NRG1: variants seen among roughly 807,000 people sequenced by gnomAD.
The protein encoded by NRG1 is pro-neuregulin-1, membrane-bound isoform.
A neutral mutation model predicts 63.8 loss-of-function variants in NRG1; 18 were observed. The ratio of observed to expected loss-of-function variants is 0.28; its 90% CI spans 0.19 to 0.42. The LOEUF (loss-of-function observed/expected upper bound fraction) is 0.42, where lower values mean the gene tolerates loss of function less well. Ranked by LOEUF, NRG1 falls within the 10% of genes least tolerant of loss-of-function variation. NRG1 has a pLI of 1.00. For synonymous variants in NRG1, 302 were observed against 301.3 expected, an observed-to-expected ratio of 1.00 and a Z score of -0.02; for missense variants, 762 against 814.7, an observed-to-expected ratio of 0.94 and a Z score of 0.79.
chr8:32,196,977 T>A (rs1248802491), intron 1 of NRG1, among the ~76,000 whole-genome samples: 6 of 130,086 alleles, frequency 4.6e-5, no homozygotes, highest in African/African-American at 1.9e-4. Context: ...TTTTTTTTTT[T>A]AAGATAGAGT....
At chr8:32,246,298 C>T (rs939311239) in intron 1 of NRG1, among the ~76,000 whole-genome samples, 3 of 152,108 alleles carry the variant, frequency 2.0e-5, no homozygotes, top group Non-Finnish European at 4.4e-5. Context: ...CAGCAATATT[C>T]CAAACAAAAG....
At chr8:32,121,164 G>C (rs1386412329) in intron 1 of NRG1, among the ~76,000 whole-genome samples, 2 of 152,068 alleles carry the variant, frequency 1.3e-5, no homozygotes, top group African/African-American at 4.8e-5. Flanking sequence ...CAGTAGAAAG[G>C]AAAAGTGATT....
At position 31,739,298 on chromosome 8, in the gene NRG1, C is replaced by G. The variant is rs117273783; in HGVS notation, c.37+99867C>G. 3.8e-3 allele frequency among the ~76,000 whole-genome samples: 581 copies of G among 152,150 alleles called. 1 individual carries two copies. The highest frequency in any genetic ancestry group is 0.018 in the South Asian group (86 of 4,822). ...GCTTGGTACATTCATGGAATGTTAT[C>G]TCACACTGGGGTTGGTAATGCAATA... On this transcript the variant is annotated intron_variant, in intron 1 of 10. Transcript: ENST00000519301.
intron 1 of NRG1, among the ~76,000 whole-genome samples, chr8:31,928,461 C>G (rs1045542904): frequency 6.7e-6 from 1 of 149,302 alleles, no homozygotes; most frequent in Non-Finnish European, 1.5e-5. Flanking sequence ...GAACTAAAGA[C>G]AGATCAACCA....
chr8:32,759,232 T>C, intron 9 of NRG1, 74 bp from the exon 10 acceptor site: 1 of 1,489,822 alleles, frequency 6.7e-7, no homozygotes, highest in Non-Finnish European at 9.1e-7. Context: ...CGTTTTTATT[T>C]ACATGACAAT....
intron 1 of NRG1, among the ~76,000 whole-genome samples, chr8:31,692,810 A>G (rs1157780333): frequency 6.6e-6 from 1 of 152,144 alleles, no homozygotes; most frequent in Non-Finnish European, 1.5e-5. Context: ...CTTGCTCAGG[A>G]CCAAAAAGAG....
chr8:31,737,093 C>A (rs2131380202), intron 1 of NRG1, among the ~76,000 whole-genome samples: 1 of 152,222 alleles, frequency 6.6e-6, no homozygotes, highest in African/African-American at 2.4e-5. Flanking sequence ...GGAAAGATAT[C>A]AAACTTATTA....
At chr8:32,316,265 C>T (rs1857376811) in intron 1 of NRG1, among the ~76,000 whole-genome samples, 1 of 152,200 alleles carries the variant, frequency 6.6e-6, no homozygotes, top group African/African-American at 2.4e-5. Context: ...ATCAGGAAGT[C>T]CAGAGATCAA....
At chr8:32,051,877 G>A (rs1367009947) in intron 1 of NRG1, among the ~76,000 whole-genome samples, 1 of 152,166 alleles carries the variant, frequency 6.6e-6, no homozygotes, top group African/African-American at 2.4e-5. Context: ...TTAAGTTAAA[G>A]AGAGAGAAGT....
At chr8:32,678,044 G>T (rs1807638940) in intron 5 of NRG1, among the ~76,000 whole-genome samples, 1 of 152,056 alleles carries the variant, frequency 6.6e-6, no homozygotes, top group Non-Finnish European at 1.5e-5. Context: ...TTCTACAATG[G>T]TTTTTGATCA....
intron 1 of NRG1, among the ~76,000 whole-genome samples, chr8:31,642,117 C>T (rs12679372): frequency 0.19 from 29,247 of 152,048 alleles, 3,523 homozygotes; most frequent in East Asian, 0.29. Context: ...AGGGATTCCC[C>T]GAGACCCACT....
chr8:31,887,261 A>G (rs1563527844), intron 1 of NRG1, among the ~76,000 whole-genome samples: 1 of 152,148 alleles, frequency 6.6e-6, no homozygotes, highest in Non-Finnish European at 1.5e-5. Context: ...CGACAAACAT[A>G]CATAAGAGAA....
intron 1 of NRG1, among the ~76,000 whole-genome samples, chr8:31,803,568 C>A (rs1236793722): frequency 6.6e-6 from 1 of 152,192 alleles, no homozygotes; most frequent in East Asian, 1.9e-4. Flanking sequence ...TGCTACCCAC[C>A]AAAATCCCAT....
chr8:32,607,395 C>A (rs975820836), intron 3 of NRG1, among the ~76,000 whole-genome samples: 2 of 152,028 alleles, frequency 1.3e-5, no homozygotes, highest in East Asian at 3.9e-4. Context: ...TGATTTTTGA[C>A]ACTTGGATTT....
At chr8:31,769,211 G>A (rs1247629213) in intron 1 of NRG1, among the ~76,000 whole-genome samples, 1 of 152,154 alleles carries the variant, frequency 6.6e-6, no homozygotes, top group Non-Finnish European at 1.5e-5. Flanking sequence ...ATTTACATGG[G>A]TTTTTAATGG....
At chr8:32,417,735 GA>G (rs1416294167) in intron 1 of NRG1, among the ~76,000 whole-genome samples, 3 of 150,184 alleles carry the variant, frequency 2.0e-5, no homozygotes, top group Non-Finnish European at 3.0e-5. Flanking sequence ...GGTGGAGGGG[GA>G]GGGGGGGTGT....
chr8:32,650,693 G>A (rs905923957), intron 5 of NRG1, among the ~76,000 whole-genome samples: 2 of 144,318 alleles, frequency 1.4e-5, no homozygotes, highest in Non-Finnish European at 1.5e-5. Context: ...CTTACAAAGG[G>A]ATTGTATTTT....
chr8:32,414,541 A>G (rs956711460), intron 1 of NRG1, among the ~76,000 whole-genome samples: 7 of 152,158 alleles, frequency 4.6e-5, no homozygotes, highest in African/African-American at 1.2e-4. Flanking sequence ...GAAGATTTCT[A>G]TAGATATGCA....
At chr8:31,678,887 A>G (rs1808023312) in intron 1 of NRG1, among the ~76,000 whole-genome samples, 1 of 151,314 alleles carries the variant, frequency 6.6e-6, no homozygotes, top group Non-Finnish European at 1.5e-5. Flanking sequence ...TGGTGGTTAT[A>G]ATGTTTTTAA....
Sources: allele counts gnomAD v4.1 joint callset (sites outside exome capture counted in the v4.1 genomes callset), GRCh38; gene constraint gnomAD v4.1.1; transcripts MANE v1.5; gene names NCBI Gene and HGNC (gene_info 2026-07-23, HGNC 2026-07-21).